Variants in TNKS1BP1 observed in about 807,000 individuals in gnomAD.
TNKS1BP1 encodes 182 kDa tankyrase-1-binding protein.
In TNKS1BP1, 48 loss-of-function variants were observed where a neutral mutation model predicts 141.1. The observed-to-expected ratio is 0.34, with a 90% confidence interval of 0.27 to 0.43. The LOEUF (loss-of-function observed/expected upper bound fraction) is 0.43. TNKS1BP1 is among the 20% of genes least tolerant of loss of function. The pLI is 1.00. For synonymous variants in TNKS1BP1, 875 were observed against 898.2 expected, an observed-to-expected ratio of 0.97 and a Z score of 0.46; for missense variants, 2,149 against 2,226.0, an observed-to-expected ratio of 0.97 and a Z score of 0.70.
In TNKS1BP1 at chr11:57,302,795, G is replaced by C; in HGVS notation, c.4347C>G (p.Pro1449=). The change falls in exon 7 of 12, where the codon CCC becomes CCG. Residue 1449 remains proline (P), a synonymous_variant. Coordinates refer to ENST00000358252, the MANE Select transcript of TNKS1BP1 (RefSeq NM_033396.3). This position sits in a 1 kb window ranked among gnomAD's most constrained non-coding sequence, Gnocchi z 5.5. ...SPGRCPARPP[P]SGSQGLLEEM... ...CCTCCAGCAGGCCCTGGGAGCCGGA[G>C]GGTGGGGGGCGGGCCGGGCACCTGC... The C allele has an allele frequency of 6.4e-7, 1 of 1,552,212 alleles. No individual in the cohort carries two copies. The highest frequency in any genetic ancestry group is 8.7e-7 in the Non-Finnish European group (1 of 1,152,300).
chr11:57,311,628 C>T (rs556292526), intron 5 of TNKS1BP1, among the ~76,000 whole-genome samples: 6 of 152,252 alleles, frequency 3.9e-5, no homozygotes, highest in African/African-American at 1.2e-4. Flanking sequence ...CGCCCCGCAG[C>T]CCCCAGAGGC....
rs143343624 is a variant in TNKS1BP1, at chr11:57,321,834, G to A, written c.52C>T (p.Arg18Trp). 58 of 1,595,850 alleles carry A rather than the reference G, an allele frequency of 3.6e-5. No individual in the cohort carries two copies. The highest frequency in any genetic ancestry group is 8.4e-5 in the Admixed American group (5 of 59,362). Residue 18 changes from arginine to tryptophan, a missense_variant, in exon 2 of 12, where the codon CGG becomes TGG. Arg to Trp is a moderately radical substitution (Grantham distance 101). Transcript: ENST00000358252. ...ESSAMASPLP[R>W]EMEEELVPTG... The stretch of plus-strand genomic sequence containing the variant: ...GGCACCAGCTCCTCCTCCATCTCCC[G>A]GGGCAGTGGGGAAGCCATGGCTGAG...
rs1046051067 is a variant in TNKS1BP1 at position 57,301,837 on chromosome 11, G to A, written c.4941C>T (p.Leu1647=). 1.2e-6 allele frequency: 2 copies of A among 1,614,064 alleles called. No homozygotes were observed. The highest frequency in any genetic ancestry group is 1.7e-6 in the Non-Finnish European group (2 of 1,180,036). The change falls in exon 9 of 12, where the codon CTC becomes CTT. Residue 1647 remains leucine (L), a synonymous_variant. Transcript: ENST00000358252. ...SLGTKGLKVN[L]FPGLSPSALK... is the part of the protein sequence containing the mutation. ...GGGCTGAGGGGCTCAGGCCAGGAAA[G>A]AGGTTGACTTTCAGCCCCTTGGTGC...
chr11:57,311,299 G>A lies in TNKS1BP1; in HGVS notation c.2155-743C>T, dbSNP rs577832605. The A allele has an allele frequency of 2.7e-5, 27 of 985,868 alleles. 1 individual carries two copies. The highest frequency in any genetic ancestry group is 5.2e-4 in the Middle Eastern group (1 of 1,916). The allele number at this position is 985,868 out of a possible 1,614,324, so 61.1% of individuals were successfully genotyped here. On this transcript the variant is annotated intron_variant, in intron 5 of 11. Coordinates refer to ENST00000358252, the MANE Select transcript of TNKS1BP1 (RefSeq NM_033396.3). ...GAGCCGGCCAGCCTCATCCCTCAGC[G>A]CAGCGTTGGCCAGCAGCCGCTCCAG... is the stretch of plus-strand genomic sequence containing the variant.
chr11:57,306,916 T>TGGGGGGGGGGGG (rs1189050190), intron 6 of TNKS1BP1, among the ~76,000 whole-genome samples: 16 of 11,384 alleles, frequency 1.4e-3, no homozygotes, highest in African/African-American at 3.6e-3. Flanking sequence ...GGGGGGGGGT[T>TGGGGGGGGGGGG]GGGTGGGAGG....
Position 57,320,338 on chromosome 11 carries a change from C to T in TNKS1BP1, c.469G>A (p.Ala157Thr), listed in dbSNP as rs151184444. Residue 157 changes from alanine (A) to threonine (T), a missense_variant, in exon 3 of 12, where the codon GCG becomes ACG. By Grantham distance (58) the Ala-to-Thr change is moderately conservative. Transcript: ENST00000358252. ...APFRPASERF[A>T]ATTVEEILAK... ...AGGATCTCTTCCACCGTGGTGGCCGCGAAGCGCTCTGAGGCTGGGCGGAAA... is the reference window on the plus strand; with the variant it reads ...AGGATCTCTTCCACCGTGGTGGCCGTGAAGCGCTCTGAGGCTGGGCGGAAA... 299 of 1,614,186 alleles carry T rather than the reference C, an allele frequency of 1.9e-4. No individual in the cohort carries two copies. In the African/African-American group the frequency reaches 3.4e-3, roughly 18 times the overall value.
intron 9 of TNKS1BP1, among the ~76,000 whole-genome samples, chr11:57,301,243 T>C (rs1325373062): frequency 6.6e-6 from 1 of 152,120 alleles, no homozygotes; most frequent in African/African-American, 2.4e-5. Flanking sequence ...CTTTCTGTCC[T>C]CAAAAACATA....
rs778913591 is a variant in TNKS1BP1 at position 57,302,080 on chromosome 11, A to C, written c.4828T>G (p.Ser1610Ala). The C allele has an allele frequency of 1.2e-6, 2 of 1,612,816 alleles. No homozygotes were observed. Among genetic ancestry groups the C allele is most frequent in the South Asian group, 2.2e-5 (2 of 91,068 alleles). ...AATAATACATCAGCCCTACCTGTAG[A>C]GTCCTGGAACAGGTGTGCATCCGAG... ...ADSDAHLFQD[S>A]TEPRASRVPS... Residue 1610 changes from serine to alanine, a missense_variant, in exon 8 of 12, where the codon TCT (serine) becomes GCT (alanine). Coordinates refer to ENST00000358252, the MANE Select transcript of TNKS1BP1 (RefSeq NM_033396.3). This position sits in a 1 kb window ranked among gnomAD's most constrained non-coding sequence, Gnocchi z 5.5.
At chr11:57,304,797 G>T (rs1027712862) in intron 6 of TNKS1BP1, among the ~76,000 whole-genome samples, 1 of 151,310 alleles carries the variant, frequency 6.6e-6, no homozygotes, top group Non-Finnish European at 1.5e-5. Flanking sequence ...GCTTGAACCC[G>T]GGTGGTGGAG....
Position 57,310,378 on chromosome 11 carries a change from T to A in TNKS1BP1, c.2333A>T (p.Tyr778Phe), listed in dbSNP as rs773816047. ...GCTCCCTTCCCCTGCTCCTTGCCCA[T>A]ACTTGCTGGTCCAGTCCCTCTCTCC... is the stretch of plus-strand genomic sequence containing the variant. Reference protein sequence around the residue: ...GLGERDWTSKYGQGAGEGSTR... With the variant: ...GLGERDWTSKFGQGAGEGSTR... The change falls in exon 6 of 12, where the codon TAT (tyrosine) becomes TTT (phenylalanine). Residue 778 changes from tyrosine (Y) to phenylalanine (F), a missense_variant. Transcript: ENST00000358252. The A allele has an allele frequency of 5.0e-6, 8 of 1,614,068 alleles. No individual in the cohort carries two copies. The highest frequency in any genetic ancestry group is 1.1e-5 in the South Asian group (1 of 91,084).
In TNKS1BP1 at chr11:57,310,500, G is replaced by A. The variant is rs760803468; in HGVS notation, c.2211C>T (p.Asp737=). Residue 737 remains aspartate, a synonymous_variant, in exon 6 of 12, where the codon GAC becomes GAT. Coordinates refer to ENST00000358252, the MANE Select transcript of TNKS1BP1 (RefSeq NM_033396.3). ...DLQSEFGITG[D]PQPSSFSPSS... ...AAGGACTGAAACTGCTGGGCTGTGG[G>A]TCTCCTGTGATCCCAAATTCACTCT... is the stretch of plus-strand genomic sequence containing the variant. 3.1e-6 allele frequency: 5 copies of A among 1,610,216 alleles called. No individual in the cohort carries two copies. Among genetic ancestry groups the A allele is most frequent in the Middle Eastern group, 1.6e-4 (1 of 6,062 alleles).
At chr11:57,312,430 C>T in intron 5 of TNKS1BP1, 104 bp downstream of exon 5, 2 of 1,311,002 alleles carry the variant, frequency 1.5e-6, no homozygotes, top group Non-Finnish European at 2.0e-6. Context: ...CTCACTACCA[C>T]AGCCCAAGCT....
chr11:57,310,875 CTTGGCT>C (rs1180906512), intron 5 of TNKS1BP1, among the ~76,000 whole-genome samples: 1 of 152,248 alleles, frequency 6.6e-6, no homozygotes, highest in African/African-American at 2.4e-5. Flanking sequence ...TTGGGCAATA[CTTGGCT>C]AACAGCCAGG....
At chr11:57,308,105 GA>G (rs1333437977) in intron 6 of TNKS1BP1, among the ~76,000 whole-genome samples, 1 of 152,180 alleles carries the variant, frequency 6.6e-6, no homozygotes, top group Non-Finnish European at 1.5e-5. Context: ...TCCAAGCTAT[GA>G]CATGCACCAT....
intron 6 of TNKS1BP1, among the ~76,000 whole-genome samples, chr11:57,305,820 C>T (rs1855601252): frequency 6.6e-6 from 1 of 152,146 alleles, no homozygotes; most frequent in African/African-American, 2.4e-5. Context: ...GACGAGGAAT[C>T]GGAGGCCCGC....
chr11:57,300,919 G>C lies in TNKS1BP1; in HGVS notation c.5094C>G (p.Pro1698=). Residue 1698 remains proline (P), a synonymous_variant, in exon 10 of 12, where the codon CCC becomes CCG. Coordinates refer to ENST00000358252, the MANE Select transcript of TNKS1BP1 (RefSeq NM_033396.3). ...TCTCTGGCTTGGGAGGTAACGTGAG[G>C]GGCTTTCCCAGTCCTGGGACCTTGC... The part of the protein sequence containing the change: ...KSCKVPGLGK[P]LTLPPKPEKS... 6.2e-7 allele frequency: 1 copy of C among 1,614,118 alleles called. No homozygotes were observed. Among genetic ancestry groups the C allele is most frequent in the Admixed American group, 1.7e-5 (1 of 60,012 alleles).
chr11:57,311,375 C>A (rs1855707759), intron 5 of TNKS1BP1: 1 of 985,640 alleles, frequency 1.0e-6, no homozygotes, highest in Admixed American at 6.1e-5. Flanking sequence ...GCCCCCCGCC[C>A]CCAACCCGCC....
Position 57,301,867 on chromosome 11 carries a change from C to A in TNKS1BP1, c.4911G>T (p.Ser1637=), listed in dbSNP as rs149022895. ...EEPQSRRTRM[S]LGTKGLKVNL... is the part of the protein sequence containing the mutation. ...TGACTTTCAGCCCCTTGGTGCCCAACGACATCCGTGTCCGGCGGCTCTGAG... is the reference window on the plus strand; with the variant it reads ...TGACTTTCAGCCCCTTGGTGCCCAAAGACATCCGTGTCCGGCGGCTCTGAG... The change falls in exon 9 of 12, where the codon TCG becomes TCT. Residue 1637 remains serine, a synonymous_variant. Coordinates refer to ENST00000358252, the MANE Select transcript of TNKS1BP1 (RefSeq NM_033396.3). 19 of 1,614,062 alleles carry A rather than the reference C, an allele frequency of 1.2e-5. No individual in the cohort carries two copies. Among genetic ancestry groups the A allele is most frequent in the Admixed American group, 1.7e-5 (1 of 60,008 alleles).
chr11:57,302,173 G>A lies in TNKS1BP1; in HGVS notation c.4735C>T (p.Arg1579Cys), dbSNP rs777352586. Reference sequence around the variant, plus strand: ...ACCGGGGCCCGGTGCCCACGCTTGCGCCCCAAGTTGGCACGGCTCCGATAC... The same window carrying A: ...ACCGGGGCCCGGTGCCCACGCTTGCACCCCAAGTTGGCACGGCTCCGATAC... The part of the protein sequence containing the change: ...AMYRSRANLG[R>C]KRGHRAPVIR... The change falls in exon 8 of 12, where the codon CGC becomes TGC. Residue 1579 changes from arginine to cysteine, a missense_variant. Coordinates refer to ENST00000358252, the MANE Select transcript of TNKS1BP1 (RefSeq NM_033396.3). This position sits in a 1 kb window ranked among gnomAD's most constrained non-coding sequence, Gnocchi z 5.5. 3 of 1,613,222 alleles carry A rather than the reference G, an allele frequency of 1.9e-6. No homozygotes were observed. Among genetic ancestry groups the A allele is most frequent in the Non-Finnish European group, 2.5e-6 (3 of 1,179,950 alleles).
Sources: allele counts gnomAD v4.1 joint callset (sites outside exome capture counted in the v4.1 genomes callset), GRCh38; gene constraint gnomAD v4.1.1; non-coding constraint Gnocchi (gnomAD v3.1); transcripts MANE v1.5; gene names NCBI Gene and HGNC (gene_info 2026-07-23, HGNC 2026-07-21).